GNAQ: variants seen among roughly 807,000 people sequenced by gnomAD.
The protein encoded by GNAQ is guanine nucleotide-binding protein G(q) subunit alpha.
In GNAQ, 8 loss-of-function variants were observed where a neutral mutation model predicts 43.9. That is an observed-to-expected ratio of 0.18 (90% CI 0.11 to 0.33). The LOEUF (loss-of-function observed/expected upper bound fraction) is 0.33, where lower values mean the gene tolerates loss of function less well. Among genes scored for constraint, GNAQ ranks in the 10% least tolerant of loss-of-function variants. The pLI is 1.00. For synonymous variants in GNAQ, 155 were observed against 170.7 expected, an observed-to-expected ratio of 0.91 and a Z score of 0.71; for missense variants, 158 against 450.8, an observed-to-expected ratio of 0.35 and a Z score of 5.88.
chr9:77,892,231 G>A (rs761447791), intron 2 of GNAQ, among the ~76,000 whole-genome samples: 7 of 152,090 alleles, frequency 4.6e-5, no homozygotes, highest in Non-Finnish European at 8.8e-5. Context: ...CCCCTGCTTT[G>A]TCTTCATGGG....
chr9:77,992,183 C>T (rs766567726), intron 1 of GNAQ, among the ~76,000 whole-genome samples: 2 of 152,180 alleles, frequency 1.3e-5, no homozygotes, highest in Non-Finnish European at 2.9e-5. Context: ...ACCTTCCCAC[C>T]GGCAGTGTTT....
intron 1 of GNAQ, among the ~76,000 whole-genome samples, chr9:77,984,285 T>C (rs1474475329): frequency 6.6e-6 from 1 of 151,574 alleles, no homozygotes; most frequent in African/African-American, 2.4e-5. Context: ...TCCTCCCACC[T>C]TAGCCTCCTG....
intron 5 of GNAQ, among the ~76,000 whole-genome samples, chr9:77,734,555 G>C (rs991402182): frequency 2.0e-5 from 3 of 152,178 alleles, no homozygotes; most frequent in East Asian, 3.9e-4. Flanking sequence ...GTTCTCAGCT[G>C]ACCTGAGGTA....
intron 1 of GNAQ, among the ~76,000 whole-genome samples, chr9:77,959,420 A>C (rs376146107): frequency 1.3e-5 from 2 of 152,196 alleles, no homozygotes; most frequent in African/African-American, 4.8e-5. Flanking sequence ...TTTATTAGTA[A>C]ATGTGTGATA....
intron 1 of GNAQ, among the ~76,000 whole-genome samples, chr9:77,932,788 G>A (rs1379518576): frequency 6.6e-6 from 1 of 152,184 alleles, no homozygotes; most frequent in Non-Finnish European, 1.5e-5. Context: ...GTCTGAACCA[G>A]TGAAGTAACA....
intron 2 of GNAQ, among the ~76,000 whole-genome samples, chr9:77,838,973 C>T (rs895754203): frequency 2.0e-5 from 3 of 152,038 alleles, no homozygotes; most frequent in Admixed American, 6.6e-5. Context: ...TTTCTGAGAC[C>T]TGACTCTTCA....
intron 1 of GNAQ, among the ~76,000 whole-genome samples, chr9:77,967,895 G>A (rs1419705700): frequency 2.0e-5 from 3 of 152,006 alleles, no homozygotes; most frequent in East Asian, 3.9e-4. Flanking sequence ...CAGGAGAATC[G>A]CTTGAACTTG....
chr9:77,893,537 T>A (rs980593428), intron 2 of GNAQ, among the ~76,000 whole-genome samples: 1 of 152,240 alleles, frequency 6.6e-6, no homozygotes, highest in African/African-American at 2.4e-5. Context: ...GAGCAGCCCA[T>A]GCTGCTGTTC....
chr9:77,953,499 G>A (rs1236037687), intron 1 of GNAQ, among the ~76,000 whole-genome samples: 1 of 152,088 alleles, frequency 6.6e-6, no homozygotes, highest in Non-Finnish European at 1.5e-5. Context: ...ACCTTTCCCA[G>A]AACAAAATCT....
At chr9:77,739,777 T>C (rs72734780) in intron 5 of GNAQ, among the ~76,000 whole-genome samples, 3 of 152,360 alleles carry the variant, frequency 2.0e-5, no homozygotes, top group Non-Finnish European at 4.4e-5. Context: ...ACTTGTCCAC[T>C]TTCTGATCTT....
At chr9:77,862,596 G>A (rs907619274) in intron 2 of GNAQ, among the ~76,000 whole-genome samples, 69 of 152,150 alleles carry the variant, frequency 4.5e-4, no homozygotes, top group Non-Finnish European at 7.4e-5. Flanking sequence ...CCAGGCCCAT[G>A]GAACCATTTT....
At chr9:77,873,299 A>G (rs1828072924) in intron 2 of GNAQ, among the ~76,000 whole-genome samples, 1 of 152,220 alleles carries the variant, frequency 6.6e-6, no homozygotes, top group East Asian at 1.9e-4. Context: ...TCATTACATT[A>G]TTACATTTAT....
chr9:77,992,840 G>A (rs1823525148), intron 1 of GNAQ, among the ~76,000 whole-genome samples: 1 of 152,094 alleles, frequency 6.6e-6, no homozygotes, highest in Non-Finnish European at 1.5e-5. Flanking sequence ...AGCTACTTGG[G>A]AGGCTGAGGA....
At chr9:77,870,400 A>AGG (rs1018163810) in intron 2 of GNAQ, among the ~76,000 whole-genome samples, 3 of 139,900 alleles carry the variant, frequency 2.1e-5, no homozygotes, top group African/African-American at 8.2e-5. Flanking sequence ...GCGCGATCTC[A>AGG]GCTCACTGCA....
At chr9:77,960,551 A>G (rs978986089) in intron 1 of GNAQ, among the ~76,000 whole-genome samples, 2 of 152,134 alleles carry the variant, frequency 1.3e-5, no homozygotes, top group African/African-American at 4.8e-5. Flanking sequence ...CTCTGGACTG[A>G]TTGGTTTGCA....
chr9:77,845,375 A>C (rs1458151865), intron 2 of GNAQ, among the ~76,000 whole-genome samples: 1 of 152,216 alleles, frequency 6.6e-6, no homozygotes, highest in Non-Finnish European at 1.5e-5. Context: ...TTCATTATAC[A>C]CTTGAGATGG....
At chr9:77,773,819 GC>G (rs1428582308) in intron 5 of GNAQ, among the ~76,000 whole-genome samples, 5 of 152,142 alleles carry the variant, frequency 3.3e-5, no homozygotes, top group African/African-American at 1.2e-4. Flanking sequence ...ATATTATACT[GC>G]CCCTGGATCT....
At chr9:77,873,567 T>G (rs971125528) in intron 2 of GNAQ, among the ~76,000 whole-genome samples, 10 of 151,002 alleles carry the variant, frequency 6.6e-5, no homozygotes, top group African/African-American at 1.5e-4. Context: ...AAGGAAGGGG[T>G]AGGAAGAAGT....
chr9:77,978,606 T>C (rs1271952234), intron 1 of GNAQ, among the ~76,000 whole-genome samples: 3 of 152,234 alleles, frequency 2.0e-5, no homozygotes, highest in Non-Finnish European at 4.4e-5. Context: ...AGCAGTATGA[T>C]TGTGTAAATA....
Sources: gnomAD v4.1 joint callset for allele counts (sites outside exome capture counted in the v4.1 genomes callset) on GRCh38, gnomAD v4.1.1 for gene constraint, MANE v1.5 for transcripts, NCBI Gene and HGNC (gene_info 2026-07-23, HGNC 2026-07-21) for gene names.